Variants in SUMF1 observed in about 807,000 individuals in gnomAD.
The protein encoded by SUMF1 is formylglycine-generating enzyme.
In SUMF1, 48 loss-of-function variants were observed where a neutral mutation model predicts 47.6. The ratio of observed to expected loss-of-function variants is 1.01; its 90% confidence interval spans 0.80 to 1.28. The LOEUF (loss-of-function observed/expected upper bound fraction) is 1.28. SUMF1 is among the 50% of genes most tolerant of loss of function. The probability of loss-of-function intolerance (pLI) is 0.00; values close to 1 mark genes in which losing one functional copy is unlikely to be tolerated. For missense variants in SUMF1, 571 were observed against 485.4 expected (o/e 1.18, Z -1.66); for synonymous variants, 230 against 192.1 (o/e 1.20, Z -1.63).
chr3:4,329,844 G>T (rs59565876), intron 8 of SUMF1, among the ~76,000 whole-genome samples: 1,987 of 151,406 alleles, frequency 0.013, 48 homozygotes, highest in African/African-American at 0.046. Flanking sequence ...AAACATAGTT[G>T]CAATTCCAAA....
At chr3:4,259,238 A>G (rs1697032378) in intron 8 of SUMF1, among the ~76,000 whole-genome samples, 1 of 152,124 alleles carries the variant, frequency 6.6e-6, no homozygotes, top group Non-Finnish European at 1.5e-5. Context: ...CAATGTGCAC[A>G]TGTACCCTAA....
At chr3:4,118,206 G>C (rs1559485449) in intron 8 of SUMF1, among the ~76,000 whole-genome samples, 1 of 151,816 alleles carries the variant, frequency 6.6e-6, no homozygotes, top group African/African-American at 2.4e-5. Flanking sequence ...CTCTAGCTTT[G>C]CCTCTCTTTA....
At chr3:4,255,917 C>G (rs1206487689) in intron 8 of SUMF1, among the ~76,000 whole-genome samples, 5 of 113,354 alleles carry the variant, frequency 4.4e-5, no homozygotes, top group Non-Finnish European at 8.9e-5. Context: ...CAAACTATCT[C>G]TCAGACCACA....
chr3:4,088,292 A>T (rs146460687), intron 8 of SUMF1, among the ~76,000 whole-genome samples: 53 of 152,214 alleles, frequency 3.5e-4, no homozygotes, highest in Non-Finnish European at 7.4e-4. Flanking sequence ...TTGACATTCA[A>T]CCTTAGGAAA....
intron 8 of SUMF1, among the ~76,000 whole-genome samples, chr3:4,148,235 C>G (rs1321646257): frequency 6.6e-6 from 1 of 152,110 alleles, no homozygotes. Context: ...AGATAAATAT[C>G]TTTCTCATAA....
intron 8 of SUMF1, among the ~76,000 whole-genome samples, chr3:4,101,153 G>C (rs6780829): frequency 6.6e-6 from 1 of 151,768 alleles, no homozygotes. Flanking sequence ...ATATACCCAG[G>C]GGAATTGAAA....
intron 8 of SUMF1, among the ~76,000 whole-genome samples, chr3:4,185,676 T>C (rs1050816487): frequency 2.0e-5 from 3 of 152,202 alleles, no homozygotes; most frequent in African/African-American, 7.2e-5. Context: ...GCAATGTTTA[T>C]AATGATTATA....
chr3:4,041,835 C>T (rs548231417), intron 9 of SUMF1, among the ~76,000 whole-genome samples: 10 of 152,236 alleles, frequency 6.6e-5, no homozygotes, highest in South Asian at 4.1e-4. Context: ...TTATGAAAAC[C>T]GGCAGCACAG....
chr3:4,161,051 C>A (rs970253972), intron 8 of SUMF1, among the ~76,000 whole-genome samples: 1 of 152,130 alleles, frequency 6.6e-6, no homozygotes, highest in Non-Finnish European at 1.5e-5. Flanking sequence ...TCAGGGAACA[C>A]CCCAAGCCCA....
intron 3 of SUMF1, among the ~76,000 whole-genome samples, chr3:4,427,265 G>A (rs1043696368): frequency 3.3e-5 from 5 of 152,142 alleles, no homozygotes; most frequent in African/African-American, 9.7e-5. Context: ...AAAGATGGAC[G>A]TTTCTTGAAA....
At chr3:4,143,835 G>A (rs886843986) in intron 8 of SUMF1, among the ~76,000 whole-genome samples, 1 of 152,090 alleles carries the variant, frequency 6.6e-6, no homozygotes, top group Non-Finnish European at 1.5e-5. Context: ...CTGGGAGCTA[G>A]TTAGAATTGT....
At chr3:4,070,783 C>T (rs1382298587) in intron 8 of SUMF1, among the ~76,000 whole-genome samples, 1 of 151,982 alleles carries the variant, frequency 6.6e-6, no homozygotes, top group Non-Finnish European at 1.5e-5. Flanking sequence ...CTACAGGTGC[C>T]TGCTACCACG....
At chr3:4,284,137 C>G (rs1381488881) in intron 8 of SUMF1, among the ~76,000 whole-genome samples, 1 of 151,842 alleles carries the variant, frequency 6.6e-6, no homozygotes, top group Non-Finnish European at 1.5e-5. Context: ...GGTGGGAGGC[C>G]AGGAGCAGAG....
chr3:4,093,301 T>C (rs576493355), intron 8 of SUMF1, among the ~76,000 whole-genome samples: 9 of 152,152 alleles, frequency 5.9e-5, no homozygotes, highest in Non-Finnish European at 1.2e-4. Flanking sequence ...TAACTTGTTA[T>C]ATGTCAATCA....
chr3:4,180,356 A>C (rs909908387), intron 8 of SUMF1, among the ~76,000 whole-genome samples: 3 of 152,144 alleles, frequency 2.0e-5, no homozygotes, highest in Non-Finnish European at 4.4e-5. Context: ...ATGGCATACT[A>C]TGCAGCCATA....
At chr3:4,174,200 C>T (rs1694903985) in intron 8 of SUMF1, among the ~76,000 whole-genome samples, 1 of 151,312 alleles carries the variant, frequency 6.6e-6, no homozygotes, top group African/African-American at 2.4e-5. Flanking sequence ...ACTAAAAATA[C>T]AAAAAATTAG....
intron 8 of SUMF1, among the ~76,000 whole-genome samples, chr3:4,369,942 G>T (rs1274745428): frequency 6.6e-6 from 1 of 152,202 alleles, no homozygotes; most frequent in African/African-American, 2.4e-5. Context: ...CAATATGCCA[G>T]ATGCTATTTT....
At chr3:4,429,887 G>A (rs1702181515) in intron 3 of SUMF1, among the ~76,000 whole-genome samples, 1 of 152,212 alleles carries the variant, frequency 6.6e-6, no homozygotes, top group African/African-American at 2.4e-5. Flanking sequence ...TGCACCAGTG[G>A]CAAGGTGGTG....
chr3:4,269,869 A>AT (rs1697269905), intron 8 of SUMF1, among the ~76,000 whole-genome samples: 1 of 152,198 alleles, frequency 6.6e-6, no homozygotes, highest in African/African-American at 2.4e-5. Flanking sequence ...AGGGTATACA[A>AT]TACAAGCTGC....
Sources: gnomAD v4.1 joint callset for allele counts (sites outside exome capture counted in the v4.1 genomes callset) on GRCh38, gnomAD v4.1.1 for gene constraint, MANE v1.5 for transcripts, NCBI Gene and HGNC (gene_info 2026-07-23, HGNC 2026-07-21) for gene names.